The following MSN variants were observed in gnomAD, a reference collection of about 807,000 sequenced individuals.
MSN encodes the protein epididymis luminal protein 70.
Under a neutral mutation model 48.0 loss-of-function variants are expected in MSN, and 2 were observed. That is an observed-to-expected ratio of 0.04 (90% CI 0.02 to 0.13). The LOEUF (loss-of-function observed/expected upper bound fraction) is 0.13. Among genes scored for constraint, MSN ranks in the 10% least tolerant of loss-of-function variants. The pLI, the probability that MSN is intolerant of heterozygous loss-of-function variation, is 1.00. For synonymous variants in MSN, 146 were observed against 166.9 expected (o/e 0.87, Z 0.97); for missense variants, 267 against 470.1 (o/e 0.57, Z 3.99).
chrX:65,737,566 G>A (rs2071690494), intron 10 of MSN, among the ~76,000 whole-genome samples: 1 of 111,801 alleles, frequency 8.9e-6, no homozygotes, highest in Non-Finnish European at 1.9e-5. Context: ...CTTAACTCTT[G>A]GGTATCTGAG....
intron 7 of MSN, among the ~76,000 whole-genome samples, chrX:65,733,693 C>T (rs1305298147): frequency 8.9e-6 from 1 of 111,962 alleles, no homozygotes; most frequent in Admixed American, 9.4e-5. Flanking sequence ...CTCTCTCTCT[C>T]TTTCTTTTTT....
At chrX:65,653,521 A>T (rs1361456393) in intron 1 of MSN, among the ~76,000 whole-genome samples, 1 of 110,725 alleles carries the variant, frequency 9.0e-6, no homozygotes, top group Admixed American at 9.7e-5. Context: ...TTAGGAACGT[A>T]AGTGGTGGGA....
At chrX:65,661,820 G>A (rs1280435126) in intron 1 of MSN, among the ~76,000 whole-genome samples, 2 of 112,142 alleles carry the variant, frequency 1.8e-5, no homozygotes, top group African/African-American at 6.5e-5. Context: ...AGGAGTTCCA[G>A]ACCTGCCTGG....
intron 3 of MSN, 132 bp downstream of exon 3, chrX:65,728,041 CTTGGAT>C: frequency 1.9e-6 from 1 of 524,064 alleles, no homozygotes. Flanking sequence ...CTGTTGACCA[CTTGGAT>C]CAGAATAAGG....
intron 1 of MSN, among the ~76,000 whole-genome samples, chrX:65,691,736 C>T (rs978461876): frequency 9.0e-6 from 1 of 111,682 alleles, no homozygotes. Flanking sequence ...GAACACCTGG[C>T]CTTAGGTAAT....
intron 1 of MSN, among the ~76,000 whole-genome samples, chrX:65,605,338 G>T (rs2070269909): frequency 9.0e-6 from 1 of 111,647 alleles, no homozygotes; most frequent in Non-Finnish European, 1.9e-5. Context: ...TAACCATTCA[G>T]CCTATCGGCA....
rs181280224 is a variant in MSN, at chrX:65,590,246, G to A, written c.-22+1634G>A. On this transcript the variant is annotated intron_variant, in intron 1 of 3. Coordinates refer to the MSN transcript ENST00000609672. ...GGAGGAGTTGGCTTATTGGGGCCTG[G>A]CAGAAGCACCCCTGGCACCTTGCTG... Among the ~76,000 whole-genome samples, 48 of 111,338 alleles carry A rather than the reference G, an allele frequency of 4.3e-4. No homozygotes were observed. The East Asian group carries it at 0.011, about 26-fold the overall frequency.
upstream of MSN, among the ~76,000 whole-genome samples, chrX:65,663,203 A>G (rs1005151421): frequency 9.1e-6 from 1 of 109,435 alleles, no homozygotes; most frequent in African/African-American, 3.3e-5. Flanking sequence ...GGTTGCAGTG[A>G]GCCACGATCA....
At chrX:65,687,217 G>A (rs934460141) in intron 1 of MSN, among the ~76,000 whole-genome samples, 3 of 111,135 alleles carry the variant, frequency 2.7e-5, no homozygotes, top group Non-Finnish European at 5.7e-5. Context: ...GTGTGGTGGC[G>A]AGTGCTTATA....
chrX:65,617,545 T>G (rs2070386839), intron 1 of MSN, among the ~76,000 whole-genome samples: 1 of 107,259 alleles, frequency 9.3e-6, no homozygotes. Context: ...GTGGGATTGG[T>G]GGTGATATCC....
At chrX:65,589,055 G>C (rs2070121995) in intron 1 of MSN, 1 of 132,367 alleles carries the variant, frequency 7.6e-6, no homozygotes, top group Non-Finnish European at 1.5e-5. Context: ...CCCCAAGCCA[G>C]TTTCTCCAGT....
At position 65,739,839 on chromosome X, in the gene MSN, C is replaced by G; in HGVS notation, c.1680C>G (p.Arg560=). 1 of 1,210,972 alleles carries G rather than the reference C, an allele frequency of 8.3e-7. No individual in the cohort carries two copies. The highest frequency in any genetic ancestry group is 1.1e-6 in the Non-Finnish European group (1 of 895,167). ...RLGRDKYKTL[R]QIRQGNTKQR... ...GCCGAGACAAATACAAGACCCTGCGCCAGATCCGGCAGGGCAACACCAAGC... is the reference window on the plus strand; with the variant it reads ...GCCGAGACAAATACAAGACCCTGCGGCAGATCCGGCAGGGCAACACCAAGC... The change falls in exon 13 of 13, where the codon CGC becomes CGG. Residue 560 remains arginine (R), a synonymous_variant. Coordinates refer to ENST00000360270, the MANE Select transcript of MSN (RefSeq NM_002444.3).
upstream of MSN, among the ~76,000 whole-genome samples, chrX:65,666,533 G>T (rs2070872407): frequency 9.0e-6 from 1 of 110,511 alleles, no homozygotes; most frequent in African/African-American, 3.3e-5. Flanking sequence ...TGGCCAGGCT[G>T]GTCTTGAACT....
At chrX:65,598,392 G>A (rs1252211965) in intron 1 of MSN, among the ~76,000 whole-genome samples, 3 of 108,970 alleles carry the variant, frequency 2.8e-5, no homozygotes, top group African/African-American at 1.0e-4. Context: ...AACAGAGAAG[G>A]GAAGAGGAGA....
intron 1 of MSN, among the ~76,000 whole-genome samples, chrX:65,711,108 G>A (rs2071410243): frequency 1.8e-5 from 2 of 110,619 alleles, no homozygotes; most frequent in African/African-American, 6.6e-5. Flanking sequence ...GCCCAGGCTG[G>A]AGTGCAATGA....
At chrX:65,648,898 TAAATAAAATA>T (rs761919813) in intron 1 of MSN, among the ~76,000 whole-genome samples, 12 of 107,096 alleles carry the variant, frequency 1.1e-4, no homozygotes, top group Admixed American at 3.0e-4. Flanking sequence ...ATAAATAAAA[TAAATAAAATA>T]AAATAAAATA....
chrX:65,603,624 G>A, intron 1 of MSN, among the ~76,000 whole-genome samples: 1 of 112,164 alleles, frequency 8.9e-6, no homozygotes, highest in Admixed American at 9.4e-5. Flanking sequence ...AAATGTAATA[G>A]CCACTTGAAG....
chrX:65,663,834 T>A (rs189368142), upstream of MSN, among the ~76,000 whole-genome samples: 61 of 110,128 alleles, frequency 5.5e-4, no homozygotes, highest in African/African-American at 1.8e-3. Context: ...CGAGGTGGGC[T>A]GATCACAAGG....
At chrX:65,638,983 G>A (rs1288216726) in intron 1 of MSN, among the ~76,000 whole-genome samples, 1 of 112,339 alleles carries the variant, frequency 8.9e-6, no homozygotes. Context: ...AGGTGTTATG[G>A]TAAAAATGCA....
Sources: allele counts gnomAD v4.1 joint callset (sites outside exome capture counted in the v4.1 genomes callset), GRCh38; gene constraint gnomAD v4.1.1; transcripts MANE v1.5; gene names NCBI Gene and HGNC (gene_info 2026-07-23, HGNC 2026-07-21).